The following DCHS2 variants were observed in gnomAD, a reference collection of about 807,000 sequenced individuals.
The protein encoded by DCHS2 is dachsous cadherin-related 2, also known as protocadherin-23.
DCHS2 carries 142 observed loss-of-function variants against 182.4 expected under a neutral mutation model. The ratio of observed to expected loss-of-function variants is 0.78; its 90% CI spans 0.68 to 0.89. The LOEUF (loss-of-function observed/expected upper bound fraction) is 0.89. Ranked by LOEUF, DCHS2 falls within the 40% of genes least tolerant of loss-of-function variation. The pLI is 0.00. For missense variants in DCHS2, 4,319 were observed against 4,198.6 expected, an observed-to-expected ratio of 1.03 and a Z score of -0.79; for synonymous variants, 1,740 against 1,663.3, an observed-to-expected ratio of 1.05 and a Z score of -1.12.
At position 154,332,989 on chromosome 4, in the gene DCHS2, G is replaced by A; in HGVS notation, c.3219C>T (p.Ile1073=). The change falls in exon 5 of 20, where the codon ATC becomes ATT. Residue 1073 remains isoleucine, a synonymous_variant. Transcript: ENST00000357232. Reference sequence around the variant, plus strand: ...AGGATGGGCTGTGTTCGCGTTTCTCGATAACGACTGTCAGCACCAGCAGGG... The same window carrying A: ...AGGATGGGCTGTGTTCGCGTTTCTCAATAACGACTGTCAGCACCAGCAGGG... ...QAALLVLTVV[I]EKREHSPSWT... 1 of 1,614,174 alleles carries A rather than the reference G, an allele frequency of 6.2e-7. No homozygotes were observed. Among genetic ancestry groups the A allele is most frequent in the Non-Finnish European group, 8.5e-7 (1 of 1,180,008 alleles).
chr4:154,281,078 C>T (rs544203420), intron 13 of DCHS2, among the ~76,000 whole-genome samples: 4 of 152,076 alleles, frequency 2.6e-5, no homozygotes, highest in African/African-American at 4.8e-5. Context: ...CTGCCCACCT[C>T]GACCTCCCAA....
chr4:154,409,170 G>A (rs909339632), intron 1 of DCHS2, among the ~76,000 whole-genome samples: 1 of 152,144 alleles, frequency 6.6e-6, no homozygotes, highest in Non-Finnish European at 1.5e-5. Context: ...CCCTGGAAGT[G>A]GAGTAGAGTC....
chr4:154,347,417 G>A (rs924874042), intron 3 of DCHS2, among the ~76,000 whole-genome samples: 2 of 151,478 alleles, frequency 1.3e-5, no homozygotes, highest in Non-Finnish European at 2.9e-5. Context: ...TTGATCTTCA[G>A]CAGTTTCTTA....
intron 1 of DCHS2, among the ~76,000 whole-genome samples, chr4:154,416,383 G>T (rs1052631146): frequency 6.6e-6 from 1 of 152,188 alleles, no homozygotes; most frequent in African/African-American, 2.4e-5. Flanking sequence ...AGCTGACAGC[G>T]CAGGGAGGCT....
intron 1 of DCHS2, among the ~76,000 whole-genome samples, chr4:154,442,266 C>T (rs1030983676): frequency 1.3e-5 from 2 of 152,108 alleles, no homozygotes; most frequent in Non-Finnish European, 2.9e-5. Flanking sequence ...CCCTACGTGA[C>T]TTTCAGGGCA....
rs1018987864 is a variant in DCHS2, at chr4:154,320,238, T to C, written c.5020+141A>G. 2.2e-6 allele frequency: 3 copies of C among 1,346,800 alleles called. No individual in the cohort carries two copies. In the African/African-American group the frequency reaches 4.4e-5, roughly 20 times the overall value. The allele number at this position is 1,346,800 out of a possible 1,614,324, so 83.4% of individuals were successfully genotyped here. A position where few individuals can be genotyped will look rare whatever the true frequency, so the allele number is the denominator to read the frequency against. On this transcript the variant is annotated intron_variant, in intron 9 of 19. Coordinates refer to ENST00000357232, the MANE Select transcript of DCHS2 (RefSeq NM_001358235.2). ...TCAGTTAAGCAAGGTAAATAATATC[T>C]AGAGATACGCTGTGCAACATTGAAC...
intron 1 of DCHS2, among the ~76,000 whole-genome samples, chr4:154,466,041 C>T (rs115953363): frequency 0.019 from 2,926 of 152,074 alleles, 81 homozygotes; most frequent in African/African-American, 0.065. Context: ...AACAGATAAC[C>T]GCCCAAAAAT....
chr4:154,354,222 G>A (rs189455562), intron 3 of DCHS2, among the ~76,000 whole-genome samples: 130 of 152,282 alleles, frequency 8.5e-4, no homozygotes, highest in African/African-American at 3.1e-3. Context: ...CACTGCACCC[G>A]GCTTGAAGAT....
intron 1 of DCHS2, among the ~76,000 whole-genome samples, chr4:154,401,298 T>C (rs1000509448): frequency 1.3e-5 from 2 of 152,232 alleles, no homozygotes; most frequent in African/African-American, 4.8e-5. Flanking sequence ...GTTATTTCCA[T>C]TTTGGAGTGA....
At position 154,333,085 on chromosome 4, in the gene DCHS2, C is replaced by T. The variant is rs1186432942; in HGVS notation, c.3123G>A (p.Leu1041=). 6.2e-7 allele frequency: 1 copy of T among 1,614,068 alleles called. No individual in the cohort carries two copies. The highest frequency in any genetic ancestry group is 8.5e-7 in the Non-Finnish European group (1 of 1,179,998). The change falls in exon 5 of 20, where the codon CTG becomes CTA. Residue 1041 remains leucine, a synonymous_variant. Coordinates refer to ENST00000357232, the MANE Select transcript of DCHS2 (RefSeq NM_001358235.2). ...ALGVLFLNGS[L]GAGEQRELTL... is the part of the protein sequence containing the mutation. The stretch of plus-strand genomic sequence containing the variant: ...TGAGCTCCCGCTGCTCGCCCGCGCC[C>T]AGGCTGCCGTTGAGGAACAGCACCC...
At position 154,489,768 on chromosome 4, in the gene DCHS2, C is replaced by A; in HGVS notation, c.1588G>T (p.Ala530Ser). ...AGAGGTGGTTGGTCATTGAGGTCAG[C>A]GACCCGGAGTAGCAGCGTCTCCTCC... ...STEETLLLRV[A>S]DLNDQPPLFS... Residue 530 changes from alanine to serine, a missense_variant, in exon 1 of 20, where the codon GCT (alanine) becomes TCT (serine). Transcript: ENST00000357232. 2 of 1,551,614 alleles carry A rather than the reference C, an allele frequency of 1.3e-6. No homozygotes were observed. Among genetic ancestry groups the A allele is most frequent in the African/African-American group, 2.7e-5 (2 of 73,148 alleles).
In DCHS2 at chr4:154,234,989, C is replaced by T; in HGVS notation, c.9663G>A (p.Gln3221=). The change falls in exon 20 of 20, where the codon CAG becomes CAA. Residue 3221 remains glutamine (Q), a synonymous_variant. Transcript: ENST00000357232. ...QEVRCAALST[Q]TTSDHDGKDN... ...CTTTTCCATCATGATCAGAGGTCGTCTGAGTTGAAAGAGCTGCACACCTTA... is the reference window on the plus strand; with the variant it reads ...CTTTTCCATCATGATCAGAGGTCGTTTGAGTTGAAAGAGCTGCACACCTTA... 1 of 1,614,024 alleles carries T rather than the reference C, an allele frequency of 6.2e-7. No homozygotes were observed. Among genetic ancestry groups the T allele is most frequent in the Non-Finnish European group, 8.5e-7 (1 of 1,179,970 alleles).
intron 1 of DCHS2, among the ~76,000 whole-genome samples, chr4:154,393,813 G>A (rs1731813990): frequency 6.6e-6 from 1 of 152,110 alleles, no homozygotes; most frequent in Non-Finnish European, 1.5e-5. Context: ...ATTATGTCCT[G>A]ATGGTGTCTG....
intron 1 of DCHS2, among the ~76,000 whole-genome samples, chr4:154,412,753 T>A (rs1217902991): frequency 6.6e-6 from 1 of 152,212 alleles, no homozygotes; most frequent in African/African-American, 2.4e-5. Context: ...ATCTGGCATA[T>A]AACAAATGTT....
At chr4:154,328,936 A>G (rs1327596210) in intron 6 of DCHS2, among the ~76,000 whole-genome samples, 1 of 152,244 alleles carries the variant, frequency 6.6e-6, no homozygotes, top group Non-Finnish European at 1.5e-5. Flanking sequence ...CACTAAAAAA[A>G]TTATTAGTAG....
chr4:154,436,109 G>T (rs559503395), intron 1 of DCHS2, among the ~76,000 whole-genome samples: 10 of 152,256 alleles, frequency 6.6e-5, no homozygotes, highest in Admixed American at 5.9e-4. Context: ...CTGTCAGGGG[G>T]TTCCCCAAAG....
chr4:154,374,490 A>C (rs541999247), intron 2 of DCHS2: 2 of 152,384 alleles, frequency 1.3e-5, no homozygotes, highest in African/African-American at 4.8e-5. Context: ...ACTTGAATTA[A>C]TATAAATTCT....
chr4:154,308,420 A>G (rs900260438), intron 10 of DCHS2, among the ~76,000 whole-genome samples: 1 of 152,184 alleles, frequency 6.6e-6, no homozygotes, highest in South Asian at 2.1e-4. Flanking sequence ...TGTGCTGGCC[A>G]TCACGCCATT....
At chr4:154,342,133 T>C (rs1407442052) in intron 3 of DCHS2, among the ~76,000 whole-genome samples, 1 of 152,208 alleles carries the variant, frequency 6.6e-6, no homozygotes, top group African/African-American at 2.4e-5. Context: ...GTTTACACTA[T>C]GTTGTAGCCT....
Sources: gnomAD v4.1 joint callset for allele counts (sites outside exome capture counted in the v4.1 genomes callset) on GRCh38, gnomAD v4.1.1 for gene constraint, MANE v1.5 for transcripts, NCBI Gene and HGNC (gene_info 2026-07-23, HGNC 2026-07-21) for gene names.